The following PHEX variants were observed in gnomAD, a reference collection of about 807,000 sequenced individuals.
PHEX encodes phosphate regulating endopeptidase X-linked.
PHEX carries 16 observed loss-of-function variants against 68.0 expected under a neutral mutation model. The observed-to-expected ratio is 0.24, with a 90% CI of 0.16 to 0.36. PHEX has a LOEUF of 0.36. Ranked by LOEUF, PHEX falls within the 10% of genes least tolerant of loss-of-function variation. The pLI is 1.00. For synonymous variants in PHEX, 208 were observed against 205.1 expected, an observed-to-expected ratio of 1.01 and a Z score of -0.12; for missense variants, 480 against 575.5, an observed-to-expected ratio of 0.83 and a Z score of 1.70.
chrX:22,106,130 G>C (rs4824175), intron 9 of PHEX, among the ~76,000 whole-genome samples: 33,594 of 110,284 alleles, frequency 0.3, 4,480 homozygotes, highest in African/African-American at 0.52. Flanking sequence ...GTTGCTGACT[G>C]TGATTTTTGC....
chrX:22,041,098 T>C (rs919245458), intron 2 of PHEX, among the ~76,000 whole-genome samples: 1 of 108,376 alleles, frequency 9.2e-6, no homozygotes, highest in Non-Finnish European at 1.9e-5. Context: ...GACGCTTAGA[T>C]TTTTGGTGAT....
chrX:22,104,852 G>A lies in PHEX; in HGVS notation c.1079+5701G>A, dbSNP rs141787046. Among the ~76,000 whole-genome samples, 402 of 108,937 alleles carry A rather than the reference G, an allele frequency of 3.7e-3. 1 individual carries two copies. The highest frequency in any genetic ancestry group is 0.014 in the African/African-American group (391 of 28,583). 94.6% of individuals were successfully genotyped at this position (108,937 alleles called of 115,157 possible). A position where few individuals can be genotyped will look rare whatever the true frequency, so the allele number is the denominator to read the frequency against. ...GGCTGGATCCATGGAGATCATCTGC[G>A]CCAGGACTGTTTTCTTTTGTTGTTG... On this transcript the variant is annotated intron_variant, in intron 9 of 21. Coordinates refer to ENST00000379374, the MANE Select transcript of PHEX (RefSeq NM_000444.6).
intron 6 of PHEX, among the ~76,000 whole-genome samples, chrX:22,092,745 C>CTTACTT (rs1233138189): frequency 1.4e-5 from 1 of 71,469 alleles, no homozygotes; most frequent in Non-Finnish European, 2.4e-5. Context: ...TCTTTTCTTT[C>CTTACTT]TTTCTTTTTT....
At chrX:22,175,608 C>A (rs1933671877) in intron 13 of PHEX, among the ~76,000 whole-genome samples, 1 of 111,877 alleles carries the variant, frequency 8.9e-6, no homozygotes, top group African/African-American at 3.2e-5. Context: ...GCCTCGGCCT[C>A]CCAAAGTGTT....
At chrX:22,200,540 C>T (rs755998449) in intron 15 of PHEX, among the ~76,000 whole-genome samples, 1 of 110,982 alleles carries the variant, frequency 9.0e-6, no homozygotes. Context: ...ACCCGGGAGG[C>T]GGAGGTTGCA....
intron 3 of PHEX, among the ~76,000 whole-genome samples, chrX:22,070,924 A>C (rs1418314226): frequency 8.9e-6 from 1 of 112,115 alleles, no homozygotes; most frequent in East Asian, 2.8e-4. Flanking sequence ...GCATGTGTGG[A>C]GTTTTTGAAA....
intron 20 of PHEX, among the ~76,000 whole-genome samples, chrX:22,230,069 T>G (rs1384362244): frequency 9.1e-6 from 1 of 110,209 alleles, no homozygotes; most frequent in Non-Finnish European, 1.9e-5. Context: ...GTGGTGTTAT[T>G]TCTGAGGGCT....
At chrX:22,215,172 C>CTATT (rs1213812183) in intron 16 of PHEX, among the ~76,000 whole-genome samples, 1 of 111,208 alleles carries the variant, frequency 9.0e-6, no homozygotes, top group Non-Finnish European at 1.9e-5. Flanking sequence ...ATGTTAGTGT[C>CTATT]TATTTGTTTG....
chrX:22,089,088 C>G (rs1456521837), intron 5 of PHEX, among the ~76,000 whole-genome samples: 1 of 112,377 alleles, frequency 8.9e-6, no homozygotes, highest in East Asian at 2.8e-4. Context: ...GTGGCGCCAT[C>G]CCAGCTTGCT....
chrX:22,068,937 C>T (rs1928752499), intron 3 of PHEX, among the ~76,000 whole-genome samples: 1 of 111,850 alleles, frequency 8.9e-6, no homozygotes, highest in African/African-American at 3.3e-5. Context: ...TTGAGACCAG[C>T]CTGGCCAATG....
intron 15 of PHEX, among the ~76,000 whole-genome samples, chrX:22,210,947 GA>G (rs71768843): frequency 0.045 from 4,832 of 107,015 alleles, 302 homozygotes; most frequent in African/African-American, 0.16. Flanking sequence ...AGGAGAGAGA[GA>G]AAAAAAAAAG....
intron 12 of PHEX, among the ~76,000 whole-genome samples, chrX:22,167,689 C>T (rs1933380608): frequency 9.2e-6 from 1 of 108,428 alleles, no homozygotes; most frequent in South Asian, 4.1e-4. Context: ...GAGACAGGGT[C>T]CCGCTGTGTT....
intron 12 of PHEX, among the ~76,000 whole-genome samples, chrX:22,157,624 G>A (rs1932991284): frequency 8.9e-6 from 1 of 112,933 alleles, no homozygotes; most frequent in East Asian, 2.8e-4. Context: ...TTCTGCCAGA[G>A]TAGTTTCCTT....
intron 3 of PHEX, among the ~76,000 whole-genome samples, chrX:22,058,633 C>T (rs755944659): frequency 5.4e-5 from 6 of 111,785 alleles, no homozygotes; most frequent in African/African-American, 9.7e-5. Context: ...AAACCCTGGA[C>T]GGTTTTGATA....
intron 5 of PHEX, among the ~76,000 whole-genome samples, chrX:22,088,837 T>G (rs989711837): frequency 8.9e-6 from 1 of 112,086 alleles, no homozygotes; most frequent in African/African-American, 3.2e-5. Context: ...TTAAGGATTG[T>G]GATTTTATTG....
At chrX:22,097,726 A>G in intron 8 of PHEX, 2 of 726,812 alleles carry the variant, frequency 2.8e-6, no homozygotes, top group South Asian at 1.4e-4. Context: ...TTTAGGTAGG[A>G]TAGGGATGCT....
intron 20 of PHEX, among the ~76,000 whole-genome samples, chrX:22,234,202 G>GC (rs1935877444): frequency 8.9e-6 from 1 of 112,783 alleles, no homozygotes; most frequent in Admixed American, 9.3e-5. Flanking sequence ...GCCAGCCAGA[G>GC]CTCTCCTGTA....
chrX:22,232,023 T>G (rs1322875345), intron 20 of PHEX, among the ~76,000 whole-genome samples: 1 of 112,255 alleles, frequency 8.9e-6, no homozygotes, highest in Non-Finnish European at 1.9e-5. Flanking sequence ...CATTTTGTTA[T>G]GTACCCAGTA....
intron 16 of PHEX, 125 bp downstream of exon 16, chrX:22,213,083 T>C (rs1351638265): frequency 1.8e-6 from 1 of 566,082 alleles, no homozygotes; most frequent in Non-Finnish European, 3.1e-6. Flanking sequence ...CTGGCGTGGG[T>C]CGCCTGTACT....
Sources: gnomAD v4.1 joint callset for allele counts (sites outside exome capture counted in the v4.1 genomes callset) on GRCh38, gnomAD v4.1.1 for gene constraint, MANE v1.5 for transcripts, NCBI Gene and HGNC (gene_info 2026-07-23, HGNC 2026-07-21) for gene names.